The following GRIP1 variants were observed in gnomAD, a reference collection of about 807,000 sequenced individuals.
The protein encoded by GRIP1 is glutamate receptor-interacting protein 1.
A neutral mutation model predicts 129.9 loss-of-function variants in GRIP1; 45 were observed. The ratio of observed to expected loss-of-function variants is 0.35; its 90% confidence interval spans 0.27 to 0.44. The LOEUF (loss-of-function observed/expected upper bound fraction) is 0.44. Among genes scored for constraint, GRIP1 ranks in the 20% least tolerant of loss-of-function variants. The pLI, the probability that GRIP1 is intolerant of heterozygous loss-of-function variation, is 1.00. For missense variants in GRIP1, 1,196 were observed against 1,396.8 expected (o/e 0.86, Z 2.29); for synonymous variants, 530 against 520.8 (o/e 1.02, Z -0.24).
chr12:66,469,692 G>C (rs993000891), intron 7 of GRIP1, among the ~76,000 whole-genome samples: 9 of 152,200 alleles, frequency 5.9e-5, no homozygotes, highest in South Asian at 2.1e-4. Flanking sequence ...GACAATCAGG[G>C]CTTATTGACA....
intron 7 of GRIP1, among the ~76,000 whole-genome samples, chr12:66,473,724 AC>A (rs2138446627): frequency 6.6e-6 from 1 of 152,342 alleles, no homozygotes; most frequent in Admixed American, 6.5e-5. Context: ...ACTCTAGCAG[AC>A]CTGCAGCAGA....
At chr12:66,388,952 C>G (rs1301519288) in intron 19 of GRIP1, among the ~76,000 whole-genome samples, 2 of 152,136 alleles carry the variant, frequency 1.3e-5, no homozygotes, top group African/African-American at 4.8e-5. Flanking sequence ...ATGGAGCAAG[C>G]TTGATATTTT....
intron 1 of GRIP1, among the ~76,000 whole-genome samples, chr12:66,602,822 T>C (rs12319011): frequency 0.02 from 3,094 of 151,008 alleles, 114 homozygotes; most frequent in African/African-American, 0.071. Context: ...ATGTGCTCTA[T>C]ATTCCTAAAG....
chr12:66,621,259 C>A (rs1287188115), intron 1 of GRIP1, among the ~76,000 whole-genome samples: 1 of 152,058 alleles, frequency 6.6e-6, no homozygotes, highest in Non-Finnish European at 1.5e-5. Context: ...TAAACAATAA[C>A]TTCCCATTGT....
chr12:66,351,825 G>A (rs1487206615), intron 24 of GRIP1, among the ~76,000 whole-genome samples: 1 of 152,158 alleles, frequency 6.6e-6, no homozygotes, highest in African/African-American at 2.4e-5. Context: ...TGGGGGAGGT[G>A]TAAAAACACA....
chr12:66,723,308 T>C (rs28592172), intron 1 of GRIP1, among the ~76,000 whole-genome samples: 10,386 of 30,550 alleles, frequency 0.34, 1,553 homozygotes, highest in Non-Finnish European at 0.38. Flanking sequence ...TTCTTTCTTT[T>C]TTTTTTTTTT....
intron 1 of GRIP1, among the ~76,000 whole-genome samples, chr12:66,847,226 T>C (rs978385420): frequency 2.0e-5 from 3 of 152,160 alleles, no homozygotes; most frequent in African/African-American, 4.8e-5. Flanking sequence ...GTCAACTCCT[T>C]CACCCCTGCT....
At chr12:66,733,896 T>C (rs1199453942) in intron 1 of GRIP1, among the ~76,000 whole-genome samples, 2 of 152,172 alleles carry the variant, frequency 1.3e-5, no homozygotes, top group African/African-American at 2.4e-5. Context: ...GCTCCTTTCA[T>C]GACATTTCAG....
intron 1 of GRIP1, among the ~76,000 whole-genome samples, chr12:66,924,977 A>G (rs901647349): frequency 6.6e-6 from 1 of 152,150 alleles, no homozygotes; most frequent in Non-Finnish European, 1.5e-5. Flanking sequence ...CTCAAAAAAG[A>G]AAAAAAATTA....
chr12:66,909,794 T>C (rs556490626), intron 1 of GRIP1, among the ~76,000 whole-genome samples: 2 of 152,312 alleles, frequency 1.3e-5, no homozygotes, highest in African/African-American at 4.8e-5. Context: ...TAGCTATTTC[T>C]CTTCTAATAT....
At chr12:66,852,516 GTGTATATATGTATATGTATATA>G (rs1475048999) in intron 1 of GRIP1, among the ~76,000 whole-genome samples, 7 of 148,320 alleles carry the variant, frequency 4.7e-5, no homozygotes, top group East Asian at 2.1e-4. Context: ...ACATATATAT[GTGTATATATGTATATGTATATA>G]TGTATATATG....
intron 1 of GRIP1, among the ~76,000 whole-genome samples, chr12:66,923,105 A>C (rs2041240059): frequency 6.6e-6 from 1 of 152,202 alleles, no homozygotes; most frequent in Non-Finnish European, 1.5e-5. Context: ...ATCTTAAATG[A>C]CTAGTAGCTT....
chr12:66,644,076 G>A (rs564229636), intron 1 of GRIP1, among the ~76,000 whole-genome samples: 188 of 152,236 alleles, frequency 1.2e-3, no homozygotes, highest in Non-Finnish European at 2.3e-3. Context: ...TGAGGAAGAT[G>A]TAAAAGCAGA....
At position 66,353,477 on chromosome 12, in the gene GRIP1, A is replaced by T. The variant is rs369087420; in HGVS notation, c.3099T>A (p.Asn1033Lys). ...GLLEKGVYVK[N>K]IRPAGPGDLG... ...GATCTCCTGGCCCAGCTGGGCGAAT[A>T]TTTTTGACATACACTCCTTTCTCCA... is the stretch of plus-strand genomic sequence containing the variant. The change falls in exon 24 of 25, where the codon AAT becomes AAA. Residue 1033 changes from asparagine to lysine, a missense_variant. By Grantham distance (94) the Asn-to-Lys change is moderately conservative (BLOSUM62 0). Around this residue, in one of 5 missense-constraint regions of GRIP1, gnomAD observed 427 missense variants for 463.3 expected, o/e 0.92. Transcript: ENST00000359742. The T allele has an allele frequency of 1.1e-5, 18 of 1,613,010 alleles. No individual in the cohort carries two copies. Among genetic ancestry groups the T allele is most frequent in the Admixed American group, 6.7e-5 (4 of 59,988 alleles).
At chr12:66,409,902 GAC>G (rs1332460847) in intron 15 of GRIP1, among the ~76,000 whole-genome samples, 1 of 152,138 alleles carries the variant, frequency 6.6e-6, no homozygotes, top group African/African-American at 2.4e-5. Context: ...AAATGCAATT[GAC>G]ACACTAAAAA....
chr12:66,642,998 A>G (rs1368172008), intron 1 of GRIP1, among the ~76,000 whole-genome samples: 1 of 152,218 alleles, frequency 6.6e-6, no homozygotes, highest in Non-Finnish European at 1.5e-5. Context: ...TTAAATACGC[A>G]AAACAAAGTA....
intron 1 of GRIP1, among the ~76,000 whole-genome samples, chr12:66,865,323 G>A (rs952185304): frequency 1.3e-5 from 2 of 152,070 alleles, no homozygotes; most frequent in East Asian, 1.9e-4. Context: ...AATTCCTGAT[G>A]TAAAAAAGAA....
chr12:66,735,325 A>AATTTT (rs1380073668), intron 1 of GRIP1, among the ~76,000 whole-genome samples: 1 of 152,210 alleles, frequency 6.6e-6, no homozygotes, highest in African/African-American at 2.4e-5. Context: ...AAATAATAAG[A>AATTTT]ATTTTCTGAG....
chr12:67,041,687 T>C (rs937325507), intron 1 of GRIP1, among the ~76,000 whole-genome samples: 1 of 152,078 alleles, frequency 6.6e-6, no homozygotes, highest in African/African-American at 2.4e-5. Context: ...TTCCTAAGTA[T>C]TGTAAATAAA....
Sources: gnomAD v4.1 joint callset for allele counts (sites outside exome capture counted in the v4.1 genomes callset) on GRCh38, gnomAD v4.1.1 for gene constraint, gnomAD v4.1.1 regional missense constraint, MANE v1.5 for transcripts, NCBI Gene and HGNC (gene_info 2026-07-23, HGNC 2026-07-21) for gene names.